Variants in SPECC1 observed in about 807,000 individuals in gnomAD.
The protein encoded by SPECC1 is cytospin-B.
In SPECC1, 62 loss-of-function variants were observed where a neutral mutation model predicts 104.1. The ratio of observed to expected loss-of-function variants is 0.60; its 90% CI spans 0.49 to 0.74. The LOEUF (loss-of-function observed/expected upper bound fraction) is 0.74, where lower values mean the gene tolerates loss of function less well. SPECC1 is among the 30% of genes least tolerant of loss of function. SPECC1 has a pLI of 0.00. For missense variants in SPECC1, 1,306 were observed against 1,310.5 expected (o/e 1.00, Z 0.05); for synonymous variants, 513 against 501.6 (o/e 1.02, Z -0.30).
intron 1 of SPECC1, among the ~76,000 whole-genome samples, chr17:20,088,678 A>G (rs2047276353): frequency 6.6e-6 from 1 of 152,208 alleles, no homozygotes; most frequent in Middle Eastern, 3.2e-3. Context: ...CTGTTTGGCT[A>G]CGCTGCAGGG....
chr17:20,144,175 CTTTTTTTTTTTT>C (rs1168474738), intron 3 of SPECC1, among the ~76,000 whole-genome samples: 3 of 94,376 alleles, frequency 3.2e-5, no homozygotes, highest in East Asian at 4.2e-4. Flanking sequence ...TTTTTCTTTT[CTTTTTTTTTTTT>C]TTTTTTTTTT....
intron 2 of SPECC1, among the ~76,000 whole-genome samples, chr17:20,105,884 T>C (rs1295647731): frequency 6.6e-6 from 1 of 152,160 alleles, no homozygotes; most frequent in Non-Finnish European, 1.5e-5. Flanking sequence ...GGATGGAGGC[T>C]GTGGTGGGAT....
chr17:20,172,469 TTCTC>T (rs2034162508), intron 3 of SPECC1, among the ~76,000 whole-genome samples: 2 of 152,220 alleles, frequency 1.3e-5, no homozygotes, highest in Admixed American at 6.5e-5. Flanking sequence ...ACCTTTCCCT[TTCTC>T]TCTCAGGGGG....
intron 3 of SPECC1, among the ~76,000 whole-genome samples, chr17:20,194,241 G>T (rs555024451): frequency 1.3e-5 from 2 of 152,270 alleles, no homozygotes; most frequent in African/African-American, 4.8e-5. Context: ...ATACCTATGA[G>T]TTGGGTAAAT....
At chr17:20,180,237 T>TAACA (rs2034779057) in intron 3 of SPECC1, among the ~76,000 whole-genome samples, 1 of 152,082 alleles carries the variant, frequency 6.6e-6, no homozygotes, top group Non-Finnish European at 1.5e-5. Flanking sequence ...TGAAATGAGT[T>TAACA]AACAAATAGT....
intron 3 of SPECC1, among the ~76,000 whole-genome samples, chr17:20,119,438 G>A (rs1249899091): frequency 6.6e-6 from 1 of 151,944 alleles, no homozygotes; most frequent in Non-Finnish European, 1.5e-5. Flanking sequence ...CTCCATGTTG[G>A]TCAGGCTGGT....
At chr17:20,221,665 T>C (rs2037882999) in intron 4 of SPECC1, among the ~76,000 whole-genome samples, 1 of 152,188 alleles carries the variant, frequency 6.6e-6, no homozygotes, top group African/African-American at 2.4e-5. Context: ...TGCTTTGATC[T>C]TTATTGTTTC....
Position 20,110,685 on chromosome 17 carries a change from G to A in SPECC1, c.283+123G>A, listed in dbSNP as rs562549814. 12 of 1,219,236 alleles carry A rather than the reference G, an allele frequency of 9.8e-6. No individual in the cohort carries two copies. In the East Asian group the frequency reaches 2.2e-4, roughly 22 times the overall value. The allele number at this position is 1,219,236 out of a possible 1,614,324, so 75.5% of individuals were successfully genotyped here. A position where few individuals can be genotyped will look rare whatever the true frequency, so the allele number is the denominator to read the frequency against. Reference sequence around the variant, plus strand: ...AATATTTCTTGACCACTTACCCTGGGCCGGAACTGTTTTAGGCAGACGATG... The same window carrying A: ...AATATTTCTTGACCACTTACCCTGGACCGGAACTGTTTTAGGCAGACGATG... On this transcript the variant is annotated intron_variant, in intron 3 of 14. Transcript: ENST00000395527.
At chr17:20,148,276 G>A (rs975309912) in intron 3 of SPECC1, among the ~76,000 whole-genome samples, 1 of 152,114 alleles carries the variant, frequency 6.6e-6, no homozygotes, top group Non-Finnish European at 1.5e-5. Context: ...GTCTCACTCT[G>A]TGGCCCAGGC....
At chr17:20,073,638 G>A (rs974672399) in intron 1 of SPECC1, 16 of 152,226 alleles carry the variant, frequency 1.1e-4, no homozygotes, top group African/African-American at 3.9e-4. Context: ...ACCCAGAATA[G>A]AGTGGCTGAC....
intron 1 of SPECC1, among the ~76,000 whole-genome samples, chr17:20,020,956 C>T (rs2152433305): frequency 6.6e-6 from 1 of 152,312 alleles, no homozygotes; most frequent in South Asian, 2.1e-4. Context: ...TGACAGCCTA[C>T]TGTTGAGTGG....
intron 1 of SPECC1, among the ~76,000 whole-genome samples, chr17:20,074,799 G>A (rs977592261): frequency 6.6e-6 from 1 of 152,216 alleles, no homozygotes; most frequent in Admixed American, 6.5e-5. Context: ...AGGCAGGAGA[G>A]GGGGTGCAAA....
At chr17:20,259,314 C>T (rs777124204) in intron 11 of SPECC1, among the ~76,000 whole-genome samples, 27 of 152,098 alleles carry the variant, frequency 1.8e-4, no homozygotes, top group Admixed American at 3.3e-4. Flanking sequence ...CTGAAGTTGC[C>T]GTTTTCTTTA....
chr17:20,015,205 TTC>T (rs1222132586), intron 1 of SPECC1, among the ~76,000 whole-genome samples: 1 of 152,252 alleles, frequency 6.6e-6, no homozygotes, highest in Non-Finnish European at 1.5e-5. Context: ...TCTGGAATTA[TTC>T]TTACTTGGGA....
At chr17:20,055,378 T>C (rs2045924016) in intron 1 of SPECC1, among the ~76,000 whole-genome samples, 1 of 152,194 alleles carries the variant, frequency 6.6e-6, no homozygotes, top group Non-Finnish European at 1.5e-5. Context: ...TTTTACTCTT[T>C]GAGGAACCTG....
chr17:20,064,546 G>C (rs2046298273), intron 1 of SPECC1, among the ~76,000 whole-genome samples: 1 of 152,156 alleles, frequency 6.6e-6, no homozygotes, highest in Non-Finnish European at 1.5e-5. Context: ...TTTAGTGCTG[G>C]GGTGGGAGGA....
intron 6 of SPECC1, 88 bp from the exon 7 acceptor site, chr17:20,232,112 T>A (rs2038619840): frequency 6.7e-7 from 1 of 1,492,828 alleles, no homozygotes; most frequent in Non-Finnish European, 9.2e-7. Context: ...ATTTTTTTCT[T>A]GGTGACCAAC....
chr17:20,150,396 T>C (rs971432351), intron 3 of SPECC1, among the ~76,000 whole-genome samples: 1 of 151,292 alleles, frequency 6.6e-6, no homozygotes, highest in African/African-American at 2.4e-5. Flanking sequence ...TCCCTGCACT[T>C]TGGGAGGCCG....
intron 12 of SPECC1, among the ~76,000 whole-genome samples, chr17:20,280,155 G>A (rs143500958): frequency 5.3e-4 from 80 of 152,274 alleles, no homozygotes; most frequent in Middle Eastern, 6.8e-3. Context: ...CAACCTAAAC[G>A]GGCTGCTGTC....
Sources: allele counts gnomAD v4.1 joint callset (sites outside exome capture counted in the v4.1 genomes callset), GRCh38; gene constraint gnomAD v4.1.1; transcripts MANE v1.5; gene names NCBI Gene and HGNC (gene_info 2026-07-23, HGNC 2026-07-21).